Variants in STPG2 observed in about 807,000 individuals in gnomAD.
STPG2 encodes the protein sperm-tail PG-rich repeat-containing protein 2.
In STPG2, 56 loss-of-function variants were observed where a neutral mutation model predicts 54.2. The ratio of observed to expected loss-of-function variants is 1.03; its 90% confidence interval spans 0.83 to 1.29. The LOEUF (loss-of-function observed/expected upper bound fraction) is 1.29, where lower values mean the gene tolerates loss of function less well. Among genes scored for constraint, STPG2 ranks in the 50% most tolerant of loss-of-function variants. The probability of loss-of-function intolerance (pLI) is 0.00; values close to 1 mark genes in which losing one functional copy is unlikely to be tolerated. For synonymous variants in STPG2, 200 were observed against 181.8 expected (o/e 1.10, Z -0.81); for missense variants, 596 against 544.9 (o/e 1.09, Z -0.93).
intron 10 of STPG2, among the ~76,000 whole-genome samples, chr4:97,603,173 T>C (rs1332052543): frequency 1.3e-5 from 2 of 151,646 alleles, no homozygotes; most frequent in African/African-American, 4.8e-5. Flanking sequence ...TAGGTATTTC[T>C]CCAAAGAAGA....
chr4:97,675,669 G>A (rs1222839167), intron 10 of STPG2, among the ~76,000 whole-genome samples: 2 of 151,626 alleles, frequency 1.3e-5, no homozygotes, highest in Non-Finnish European at 2.9e-5. Flanking sequence ...ATGTGTGGGT[G>A]CATTTGTGTG....
chr4:98,041,695 G>T (rs1277289441), intron 5 of STPG2, among the ~76,000 whole-genome samples: 1 of 151,868 alleles, frequency 6.6e-6, no homozygotes, highest in Non-Finnish European at 1.5e-5. Context: ...ACTTGATCGT[G>T]GTGTATTACA....
intron 4 of STPG2, among the ~76,000 whole-genome samples, chr4:97,450,661 T>A (rs1206523399): frequency 2.0e-5 from 3 of 152,122 alleles, no homozygotes; most frequent in Admixed American, 2.0e-4. Context: ...GAAAGTAGGC[T>A]AATAAGCCTG....
chr4:97,466,553 T>C (rs183996808), intron 4 of STPG2, among the ~76,000 whole-genome samples: 26 of 152,222 alleles, frequency 1.7e-4, no homozygotes, highest in Middle Eastern at 3.4e-3. Flanking sequence ...TATTTACTAA[T>C]ATTCTGTTTC....
intron 4 of STPG2, among the ~76,000 whole-genome samples, chr4:97,480,102 A>G (rs1229560049): frequency 1.3e-5 from 2 of 151,784 alleles, no homozygotes; most frequent in African/African-American, 4.8e-5. Flanking sequence ...AGACAAAAAT[A>G]ATATAAAGCA....
chr4:97,861,695 A>G (rs771985238), intron 8 of STPG2, among the ~76,000 whole-genome samples: 19 of 152,122 alleles, frequency 1.2e-4, no homozygotes, highest in Non-Finnish European at 2.6e-4. Flanking sequence ...ACCCACAAAG[A>G]GAAGCCCATC....
chr4:97,974,996 A>C (rs997882074), intron 6 of STPG2, among the ~76,000 whole-genome samples: 9 of 152,218 alleles, frequency 5.9e-5, no homozygotes, highest in Non-Finnish European at 1.2e-4. Flanking sequence ...AAACACAACA[A>C]TATAAATGTT....
At chr4:97,570,062 T>C (rs1251022439) in intron 10 of STPG2, among the ~76,000 whole-genome samples, 1 of 152,070 alleles carries the variant, frequency 6.6e-6, no homozygotes, top group Non-Finnish European at 1.5e-5. Context: ...CATTTCTCAA[T>C]TTTTTAAGGA....
chr4:97,752,529 C>T (rs1725609393), intron 9 of STPG2, among the ~76,000 whole-genome samples: 1 of 151,782 alleles, frequency 6.6e-6, no homozygotes, highest in Admixed American at 6.6e-5. Context: ...TATCATATCA[C>T]CTCTCTGCTT....
intron 9 of STPG2, among the ~76,000 whole-genome samples, chr4:97,777,831 T>C (rs375160959): frequency 6.6e-5 from 10 of 152,226 alleles, no homozygotes; most frequent in East Asian, 5.8e-4. Context: ...GATTAACCAT[T>C]CTACTTTATT....
chr4:97,517,849 G>T (rs116048143), intron 4 of STPG2, among the ~76,000 whole-genome samples: 1 of 151,972 alleles, frequency 6.6e-6, no homozygotes, highest in Non-Finnish European at 1.5e-5. Context: ...ATTTCAATAT[G>T]CTGCTACCTT....
intron 10 of STPG2, among the ~76,000 whole-genome samples, chr4:97,567,199 C>T (rs1018573217): frequency 1.4e-5 from 2 of 145,826 alleles, no homozygotes; most frequent in Admixed American, 6.9e-5. Context: ...AACACACACA[C>T]ACACACACAC....
At chr4:97,868,568 CA>C (rs1729873001) in intron 8 of STPG2, among the ~76,000 whole-genome samples, 1 of 151,822 alleles carries the variant, frequency 6.6e-6, no homozygotes, top group Non-Finnish European at 1.5e-5. Context: ...AGATTCCAAC[CA>C]AAGGCTCTCC....
At chr4:97,895,685 C>T (rs528573948) in intron 8 of STPG2, among the ~76,000 whole-genome samples, 67 of 151,860 alleles carry the variant, frequency 4.4e-4, no homozygotes, top group Non-Finnish European at 7.4e-4. Flanking sequence ...ATCCCCTTCC[C>T]TTGTCTATCA....
intron 5 of STPG2, among the ~76,000 whole-genome samples, chr4:98,028,776 G>A (rs1578795883): frequency 6.6e-6 from 1 of 152,002 alleles, no homozygotes; most frequent in Non-Finnish European, 1.5e-5. Flanking sequence ...AAGTGTGAAA[G>A]CTGAGTACAT....
intron 8 of STPG2, among the ~76,000 whole-genome samples, chr4:97,929,798 G>A (rs1488392234): frequency 6.6e-6 from 1 of 152,078 alleles, no homozygotes; most frequent in Non-Finnish European, 1.5e-5. Context: ...CGGGTAGATT[G>A]CAATAATTCC....
At chr4:97,801,142 T>G (rs911452803) in intron 9 of STPG2, among the ~76,000 whole-genome samples, 2 of 152,196 alleles carry the variant, frequency 1.3e-5, no homozygotes, top group African/African-American at 4.8e-5. Context: ...GGTGAGGCAA[T>G]GCCTCGCCCT....
At chr4:97,444,826 G>A (rs972472143) in intron 4 of STPG2, among the ~76,000 whole-genome samples, 3 of 152,092 alleles carry the variant, frequency 2.0e-5, no homozygotes, top group Admixed American at 1.3e-4. Flanking sequence ...TCAGGAGATC[G>A]AGACCATCCT....
chr4:97,675,606 G>T (rs955461354), intron 10 of STPG2, among the ~76,000 whole-genome samples: 1 of 151,754 alleles, frequency 6.6e-6, no homozygotes, highest in African/African-American at 2.4e-5. Flanking sequence ...ATAAGAGAAG[G>T]CTCTCCAGCT....
Sources: allele counts gnomAD v4.1 joint callset (sites outside exome capture counted in the v4.1 genomes callset), GRCh38; gene constraint gnomAD v4.1.1; transcripts MANE v1.5; gene names NCBI Gene and HGNC (gene_info 2026-07-23, HGNC 2026-07-21).